Variants in SLC67A1 observed in about 807,000 individuals in gnomAD.
The protein encoded by SLC67A1 is solute carrier family 67 member A1.
At chr11:2,908,136 C>T in the SLC67A1 span, 1 of 781,528 alleles carries the variant, frequency 1.3e-6, no homozygotes, top group Non-Finnish European at 2.2e-6. Flanking sequence ...AACCCAGGCC[C>T]TCGGTCCCCT....
At chr11:2,916,735 T>G in the SLC67A1 span, 6 of 1,612,514 alleles carry the variant, frequency 3.7e-6, 1 homozygote, top group South Asian at 6.6e-5. Context: ...CAGGCTCCAC[T>G]GCCAGGTAAG....
chr11:2,922,013 A>G, the SLC67A1 span: 1 of 968,424 alleles, frequency 1.0e-6, no homozygotes, highest in Non-Finnish European at 1.7e-6. Flanking sequence ...GCCAGTCTGG[A>G]GGTCCCCAGC....
the SLC67A1 span, chr11:2,921,514 T>C: frequency 6.0e-6 from 1 of 167,362 alleles, no homozygotes; most frequent in South Asian, 1.2e-4. Context: ...GATGACCAGA[T>C]AGAGAGCCTC....
chr11:2,899,707 C>A, the SLC67A1 span: 1 of 1,491,310 alleles, frequency 6.7e-7, no homozygotes, highest in African/African-American at 1.4e-5. Context: ...CCCATTCACA[C>A]TGAGCCTGTT....
chr11:2,903,445 G>T, the SLC67A1 span: 1 of 1,613,206 alleles, frequency 6.2e-7, no homozygotes, highest in Non-Finnish European at 8.5e-7. Context: ...CGTGCTGGCC[G>T]CCACAGAACT....
chr11:2,922,345 C>A, the SLC67A1 span: 1 of 1,548,964 alleles, frequency 6.5e-7, no homozygotes, highest in Non-Finnish European at 8.8e-7. Context: ...GCAGGGACAG[C>A]AGTCAGGGTG....
At chr11:2,917,995 C>T in the SLC67A1 span, 5 of 1,612,512 alleles carry the variant, frequency 3.1e-6, no homozygotes, top group South Asian at 1.1e-5. Flanking sequence ...CAGGCGGCCC[C>T]CGGGCCAGTG....
At chr11:2,902,513 G>A in the SLC67A1 span, 4 of 913,156 alleles carry the variant, frequency 4.4e-6, no homozygotes, top group Non-Finnish European at 5.2e-6. Context: ...CGGGATGGGG[G>A]AGGGCGCCAG....
At chr11:2,904,871 G>A in the SLC67A1 span, among the ~76,000 whole-genome samples, 1 of 152,220 alleles carries the variant, frequency 6.6e-6, no homozygotes, top group African/African-American at 2.4e-5. Flanking sequence ...GACCGGTTGA[G>A]GCCAGAATGG....
the SLC67A1 span, among the ~76,000 whole-genome samples, chr11:2,924,415 G>A: frequency 6.6e-6 from 1 of 152,150 alleles, no homozygotes; most frequent in African/African-American, 2.4e-5. This position sits in a 1 kb window ranked among gnomAD's most constrained non-coding sequence, Gnocchi z 8.6. Context: ...GGCCAGGAGG[G>A]GCCGTGGGAT....
the SLC67A1 span, among the ~76,000 whole-genome samples, chr11:2,907,683 CA>C: frequency 6.6e-6 from 1 of 151,998 alleles, no homozygotes; most frequent in East Asian, 1.9e-4. The surrounding 1 kb of genome is among the most constrained non-coding windows in gnomAD (Gnocchi z 6.7). Flanking sequence ...GAGGCAGGGG[CA>C]GGGGGAGGAG....
At chr11:2,915,015 T>C in the SLC67A1 span, 1 of 985,378 alleles carries the variant, frequency 1.0e-6, no homozygotes, top group South Asian at 4.7e-5. Flanking sequence ...AAAACCTGAG[T>C]AGCTGACGTC....
At chr11:2,908,331 G>A in the SLC67A1 span, 1 of 1,610,130 alleles carries the variant, frequency 6.2e-7, no homozygotes, top group East Asian at 2.2e-5. Flanking sequence ...TATTTGGCAG[G>A]TACAGTGTGT....
chr11:2,912,670 C>G, the SLC67A1 span, among the ~76,000 whole-genome samples: 1 of 152,206 alleles, frequency 6.6e-6, no homozygotes, highest in Non-Finnish European at 1.5e-5. Flanking sequence ...GGCCCAGCCT[C>G]CAGAGCCCAG....
the SLC67A1 span, chr11:2,921,619 C>CTGGTGTCCCTGGTGTGGGCCTTT: frequency 4.3e-5 from 5 of 115,296 alleles, no homozygotes; most frequent in African/African-American, 1.8e-4. Context: ...GAGCCCATCC[C>CTGGTGTCCCTGGTGTGGGCCTTT]CGGGAGCAGC....
At chr11:2,911,010 G>A in the SLC67A1 span, among the ~76,000 whole-genome samples, 1 of 152,132 alleles carries the variant, frequency 6.6e-6, no homozygotes, top group African/African-American at 2.4e-5. Context: ...TGAGGAGGGA[G>A]CACGTCCTGG....
chr11:2,902,805 T>A, the SLC67A1 span: 1 of 922,786 alleles, frequency 1.1e-6, no homozygotes, highest in Non-Finnish European at 1.3e-6. Flanking sequence ...GAGCTCTGGC[T>A]GCTGGCCACA....
the SLC67A1 span, chr11:2,916,392 T>C: frequency 1.5e-5 from 7 of 464,814 alleles, no homozygotes; most frequent in South Asian, 4.1e-5. Flanking sequence ...GGGGCCTGCA[T>C]GGCGTGGCGA....
At chr11:2,915,085 A>T in the SLC67A1 span, 3 of 985,376 alleles carry the variant, frequency 3.0e-6, no homozygotes, top group Non-Finnish European at 3.6e-6. Flanking sequence ...GGGCAGCAGC[A>T]CAGGTGGGGT....
Sources: allele counts gnomAD v4.1 joint callset (sites outside exome capture counted in the v4.1 genomes callset), GRCh38; gene constraint gnomAD v4.1.1; non-coding constraint Gnocchi (gnomAD v3.1); transcripts MANE v1.5; gene names NCBI Gene and HGNC (gene_info 2026-07-23, HGNC 2026-07-21).